The following PLA2G7 variants were observed in gnomAD, a reference collection of about 807,000 sequenced individuals.
The protein encoded by PLA2G7 is platelet-activating factor acetylhydrolase.
In PLA2G7, 63 loss-of-function variants were observed where a neutral mutation model predicts 49.6. That is an observed-to-expected ratio of 1.27 (90% CI 1.04 to 1.57). The LOEUF (loss-of-function observed/expected upper bound fraction) is 1.57. Among genes scored for constraint, PLA2G7 ranks in the 40% most tolerant of loss-of-function variants. PLA2G7 has a pLI of 0.00. For synonymous variants in PLA2G7, 193 were observed against 169.9 expected (o/e 1.14, Z -1.06); for missense variants, 596 against 521.2 (o/e 1.14, Z -1.40).
intron 11 of PLA2G7, 89 bp from the exon 12 acceptor site, chr6:46,704,785 AT>A: frequency 1.2e-6 from 1 of 813,746 alleles, no homozygotes; most frequent in Non-Finnish European, 2.1e-6. Flanking sequence ...AGATTTACAA[AT>A]TACACAAGTT....
chr6:46,710,732 C>T, intron 7 of PLA2G7, 74 bp from the exon 8 acceptor site: 1 of 1,192,744 alleles, frequency 8.4e-7, no homozygotes. Flanking sequence ...TAGGTAGAAG[C>T]TGTATTTGGG....
intron 1 of PLA2G7, among the ~76,000 whole-genome samples, chr6:46,730,458 G>T (rs547632111): frequency 1.3e-5 from 2 of 152,264 alleles, no homozygotes; most frequent in South Asian, 4.1e-4. Flanking sequence ...ACACTTGATT[G>T]CCCTAAACCT....
chr6:46,708,670 C>T lies in PLA2G7; in HGVS notation c.870-509G>A, dbSNP rs532438705. Among the ~76,000 whole-genome samples, 14 of 152,216 alleles carry T rather than the reference C, an allele frequency of 9.2e-5. No homozygotes were observed. The East Asian group carries it at 2.7e-3, about 29-fold the overall frequency. On this transcript the variant is annotated intron_variant, in intron 9 of 11. Transcript: ENST00000274793. ...ATCATTTGAAGATGAAACTAACTTC[C>T]TTTTTAAAAGTAAGTTTATCCTATG...
At chr6:46,719,880 T>G (rs569676993) in intron 2 of PLA2G7, among the ~76,000 whole-genome samples, 18 of 152,342 alleles carry the variant, frequency 1.2e-4, no homozygotes, top group African/African-American at 4.1e-4. Context: ...TTTTAGCAGG[T>G]CTAACCTCTC....
intron 5 of PLA2G7, 27 bp from the exon 6 acceptor site, chr6:46,712,364 AC>A: frequency 1.3e-6 from 2 of 1,535,150 alleles, no homozygotes; most frequent in Non-Finnish European, 1.8e-6. Context: ...GGGAAGAATT[AC>A]AACTACCAGT....
intron 10 of PLA2G7, among the ~76,000 whole-genome samples, chr6:46,707,346 G>T (rs1172595830): frequency 6.6e-6 from 1 of 152,170 alleles, no homozygotes; most frequent in Non-Finnish European, 1.5e-5. Context: ...GTAGTATAAT[G>T]CTAATTTTAA....
At chr6:46,726,727 C>T (rs537897903) in intron 1 of PLA2G7, among the ~76,000 whole-genome samples, 5 of 152,184 alleles carry the variant, frequency 3.3e-5, no homozygotes, top group South Asian at 2.1e-4. Context: ...CTGCAACCTC[C>T]GCCTTCCAGG....
rs571863103 is a variant in PLA2G7, at chr6:46,723,488, G to C, written c.-34-563C>G. Among the ~76,000 whole-genome samples the C allele has an allele frequency of 5.9e-5, 9 of 152,242 alleles. 1 individual carries two copies. The South Asian group carries it at 1.7e-3, about 28-fold the overall frequency. ...ATTTGTTGTCTCAGTGCCTAATAGA[G>C]GGCCTGGAAGAAGTAGTATTGCATA... is the stretch of plus-strand genomic sequence containing the variant. On this transcript the variant is annotated intron_variant, in intron 1 of 11. Coordinates refer to ENST00000274793, the MANE Select transcript of PLA2G7 (RefSeq NM_005084.4).
rs750607061 is a variant in PLA2G7 at position 46,705,233 on chromosome 6, T to C, written c.1109A>G (p.Lys370Arg). Residue 370 changes from lysine to arginine, a missense_variant, in exon 11 of 12, where the codon AAA becomes AGA. Coordinates refer to ENST00000274793, the MANE Select transcript of PLA2G7 (RefSeq NM_005084.4). ...ATGKIIGHML[K>R]LKGDIDSNVA... ...ATTTGAATCTATGTCTCCCTTTAAT[T>C]TGAGCATGTGTCCAATTATTTTGCC... The C allele has an allele frequency of 1.9e-6, 3 of 1,610,124 alleles. No individual in the cohort carries two copies. Among genetic ancestry groups the C allele is most frequent in the Non-Finnish European group, 1.7e-6 (2 of 1,176,566 alleles).
intron 5 of PLA2G7, among the ~76,000 whole-genome samples, chr6:46,713,428 T>C (rs1253996330): frequency 6.6e-6 from 1 of 152,180 alleles, no homozygotes; most frequent in Non-Finnish European, 1.5e-5. Context: ...AAAGTAGCCA[T>C]AGACAGTGTA....
chr6:46,719,133 G>T (rs1765311221), intron 2 of PLA2G7, among the ~76,000 whole-genome samples: 1 of 152,126 alleles, frequency 6.6e-6, no homozygotes, highest in Non-Finnish European at 1.5e-5. Context: ...GACATATTCA[G>T]CTTGTCCACC....
rs191884400 is a variant in PLA2G7 at position 46,733,969 on chromosome 6, A to G, written c.-35+1211T>C. ...CCAAATCTGAATCCGTGTGCCTTTT[A>G]AAGGTGGCAAGCTGCCATTTATGAG... On this transcript the variant is annotated intron_variant, in intron 1 of 11. Transcript: ENST00000274793. Among the ~76,000 whole-genome samples, 323 of 152,258 alleles carry G rather than the reference A, an allele frequency of 2.1e-3. 1 individual carries two copies. Among genetic ancestry groups the G allele is most frequent in the Non-Finnish European group, 3.8e-3 (259 of 68,012 alleles).
chr6:46,716,646 T>C, intron 3 of PLA2G7, 118 bp from the exon 4 acceptor site: 15 of 1,018,634 alleles, frequency 1.5e-5, no homozygotes, highest in Non-Finnish European at 2.2e-5. Flanking sequence ...CAAAAAGGTC[T>C]AAAGAACTTT....
chr6:46,712,264 C>T lies in PLA2G7; in HGVS notation c.539+5G>A, dbSNP rs200702105. ...CAAAGAGCCCAATTATATCAGGTAA[C>T]ATACCTGTGTTCTACAGCAGCAACT... On this transcript the variant is annotated splice_donor_5th_base_variant and intron_variant, in intron 6 of 11. Transcript: ENST00000274793. 1 of 1,595,460 alleles carries T rather than the reference C, an allele frequency of 6.3e-7. No individual in the cohort carries two copies. The highest frequency in any genetic ancestry group is 8.6e-7 in the Non-Finnish European group (1 of 1,163,122).
At position 46,704,689 on chromosome 6, in the gene PLA2G7, A is replaced by G. The variant is rs1303873157; in HGVS notation, c.1197T>C (p.His399=). ...LAFLQKHLGL[H]KDFDQWDCLI... is the part of the protein sequence containing the mutation. ...AGCAGTCCCACTGATCAAAATCTTT[A>G]TGAAGTCCTATAAAATATAAAGTGT... is the stretch of plus-strand genomic sequence containing the variant. The change falls in exon 12 of 12, where the codon CAT becomes CAC. Residue 399 remains histidine (H), a synonymous_variant. Coordinates refer to ENST00000274793, the MANE Select transcript of PLA2G7 (RefSeq NM_005084.4). The G allele has an allele frequency of 3.2e-6, 5 of 1,567,324 alleles. No individual in the cohort carries two copies. The East Asian group carries it at 9.0e-5, about 28-fold the overall frequency.
chr6:46,716,232 C>A, intron 4 of PLA2G7, 152 bp downstream of exon 4: 1 of 755,104 alleles, frequency 1.3e-6, no homozygotes, highest in South Asian at 1.6e-5. Context: ...GTCGTAGTTG[C>A]CTGGGCTTTA....
intron 10 of PLA2G7, among the ~76,000 whole-genome samples, chr6:46,706,346 A>G (rs549701276): frequency 5.3e-5 from 8 of 152,330 alleles, no homozygotes; most frequent in Non-Finnish European, 1.0e-4. Context: ...TCAGAAACAT[A>G]AAGAAGATAA....
intron 3 of PLA2G7, 116 bp downstream of exon 3, chr6:46,716,859 T>C: frequency 9.6e-7 from 1 of 1,038,054 alleles, no homozygotes; most frequent in South Asian, 1.3e-5. Flanking sequence ...ACAATACAAA[T>C]TGCAAAATGA....
At chr6:46,707,061 T>C (rs1764853320) in intron 10 of PLA2G7, among the ~76,000 whole-genome samples, 1 of 152,174 alleles carries the variant, frequency 6.6e-6, no homozygotes, top group African/African-American at 2.4e-5. Flanking sequence ...CATCTTTGCT[T>C]TGTAATATCT....
Sources: allele counts gnomAD v4.1 joint callset (sites outside exome capture counted in the v4.1 genomes callset), GRCh38; gene constraint gnomAD v4.1.1; transcripts MANE v1.5; gene names NCBI Gene and HGNC (gene_info 2026-07-23, HGNC 2026-07-21).